The following VRK1 variants were observed in gnomAD, a reference collection of about 807,000 sequenced individuals.
The protein encoded by VRK1 is VRK serine/threonine kinase 1, also known as serine/threonine-protein kinase VRK1.
Under a neutral mutation model 57.1 loss-of-function variants are expected in VRK1, and 33 were observed. The ratio of observed to expected loss-of-function variants is 0.58; its 90% CI spans 0.44 to 0.77. The LOEUF (loss-of-function observed/expected upper bound fraction) is 0.77, where lower values mean the gene tolerates loss of function less well. Ranked by LOEUF, VRK1 falls within the 30% of genes least tolerant of loss-of-function variation. The pLI, the probability that VRK1 is intolerant of heterozygous loss-of-function variation, is 0.00. For synonymous variants in VRK1, 137 were observed against 147.8 expected (o/e 0.93, Z 0.53); for missense variants, 413 against 477.3 (o/e 0.87, Z 1.25).
intron 1 of VRK1, among the ~76,000 whole-genome samples, chr14:96,820,757 C>A (rs1490009003): frequency 1.3e-5 from 2 of 152,154 alleles, no homozygotes; most frequent in African/African-American, 4.8e-5. Context: ...CAAATTCCAA[C>A]AATGCAAAAA....
rs1421577486 is a variant in VRK1, at chr14:96,856,534, A to G, written c.837A>G (p.Arg279=). 1.9e-6 allele frequency: 3 copies of G among 1,613,288 alleles called. No homozygotes were observed. Among genetic ancestry groups the G allele is most frequent in the Non-Finnish European group, 1.7e-6 (2 of 1,179,302 alleles). Reference sequence around the variant, plus strand: ...ATTCTTTAATTTTTAACAGATACAGAGAAAATATTGCAAGTTTGATGGACA... The same window carrying G: ...ATTCTTTAATTTTTAACAGATACAGGGAAAATATTGCAAGTTTGATGGACA... ...KYVRDSKIRY[R]ENIASLMDKC... The change falls in exon 10 of 13, where the codon AGA becomes AGG. Residue 279 remains arginine, a synonymous_variant. Transcript: ENST00000216639.
intron 10 of VRK1, among the ~76,000 whole-genome samples, chr14:96,858,172 G>C (rs1338727902): frequency 6.6e-6 from 1 of 152,048 alleles, no homozygotes; most frequent in East Asian, 1.9e-4. Flanking sequence ...TGAGCTCAAA[G>C]CCTTGACCTC....
chr14:96,861,530 T>C (rs1003160823), intron 11 of VRK1, among the ~76,000 whole-genome samples: 5 of 152,162 alleles, frequency 3.3e-5, no homozygotes, highest in African/African-American at 9.6e-5. Flanking sequence ...ACTTTGCAAA[T>C]TCTAATAGAT....
At chr14:96,854,708 G>T (rs1241695021) in intron 7 of VRK1, among the ~76,000 whole-genome samples, 1 of 152,160 alleles carries the variant, frequency 6.6e-6, no homozygotes, top group Non-Finnish European at 1.5e-5. Context: ...TGTATGAAAT[G>T]TTTTTATAAA....
intron 1 of VRK1, among the ~76,000 whole-genome samples, chr14:96,801,605 A>T (rs1395660534): frequency 6.6e-6 from 1 of 152,206 alleles, no homozygotes; most frequent in Non-Finnish European, 1.5e-5. Context: ...ATGCAGTTGA[A>T]AATCCATGTA....
chr14:96,809,445 A>G (rs1886070946), intron 1 of VRK1, among the ~76,000 whole-genome samples: 2 of 152,150 alleles, frequency 1.3e-5, no homozygotes, highest in South Asian at 4.1e-4. Context: ...TGCTATAATC[A>G]TATACTTATG....
intron 1 of VRK1, among the ~76,000 whole-genome samples, chr14:96,808,209 C>T (rs1020221142): frequency 6.6e-6 from 1 of 152,044 alleles, no homozygotes; most frequent in Non-Finnish European, 1.5e-5. Flanking sequence ...TGGAGTGACT[C>T]TGTGTTAAGT....
chr14:96,834,500 A>G (rs529863552), intron 2 of VRK1, among the ~76,000 whole-genome samples: 3 of 152,278 alleles, frequency 2.0e-5, no homozygotes, highest in Admixed American at 6.5e-5. Flanking sequence ...GTTCAAGGTG[A>G]TTCTGATGCA....
intron 1 of VRK1, among the ~76,000 whole-genome samples, chr14:96,811,709 G>A (rs376127900): frequency 6.6e-6 from 1 of 151,858 alleles, no homozygotes; most frequent in African/African-American, 2.4e-5. Context: ...TCCACAGAAC[G>A]CTATAATCCA....
chr14:96,852,397 C>T (rs1682210767), intron 5 of VRK1, among the ~76,000 whole-genome samples: 1 of 152,074 alleles, frequency 6.6e-6, no homozygotes, highest in Non-Finnish European at 1.5e-5. Context: ...TTGATTTTAG[C>T]AGAATGTTGT....
chr14:96,797,775 G>C (rs113958832), intron 1 of VRK1, among the ~76,000 whole-genome samples: 12,669 of 152,318 alleles, frequency 0.083, 693 homozygotes, highest in Non-Finnish European at 0.13. Context: ...CGCCGCCTCG[G>C]GCCTCACCGG....
chr14:96,804,484 A>G (rs1885791481), intron 1 of VRK1, among the ~76,000 whole-genome samples: 1 of 152,218 alleles, frequency 6.6e-6, no homozygotes, highest in Non-Finnish European at 1.5e-5. Flanking sequence ...TTCTAGAGAA[A>G]ATAAGTAAGA....
intron 11 of VRK1, among the ~76,000 whole-genome samples, chr14:96,875,780 T>A (rs899307878): frequency 7.5e-6 from 1 of 132,676 alleles, no homozygotes; most frequent in African/African-American, 2.5e-5. Context: ...AAGTTAGAGG[T>A]GGATATAACA....
In VRK1 at chr14:96,810,894, T is replaced by C. The variant is rs150350551; in HGVS notation, c.-6+13447T>C. Among the ~76,000 whole-genome samples the C allele has an allele frequency of 3.9e-3, 600 of 152,210 alleles. 1 individual carries two copies. Among genetic ancestry groups the C allele is most frequent in the African/African-American group, 0.014 (569 of 41,528 alleles). The stretch of plus-strand genomic sequence containing the variant: ...TAGCTGCTGATGAAAGATAGTTTTA[T>C]TGATCACGTTGGCAAGTCCAAGATC... On this transcript the variant is annotated intron_variant, in intron 1 of 12. Coordinates refer to ENST00000216639, the MANE Select transcript of VRK1 (RefSeq NM_003384.3).
rs1429869153 is a variant in VRK1, at chr14:96,881,378, T to C, written c.*170T>C. On this transcript the variant is annotated 3_prime_UTR_variant, in exon 13 of 13. Coordinates refer to ENST00000216639, the MANE Select transcript of VRK1 (RefSeq NM_003384.3). ...TTTTTATAAAAATATTTTGTACAAT[T>C]CATTAAAGGCTAATTTATGAAATTT... The C allele has an allele frequency of 4.9e-6, 3 of 608,686 alleles. No individual in the cohort carries two copies. Among genetic ancestry groups the C allele is most frequent in the Non-Finnish European group, 8.3e-6 (3 of 361,584 alleles). The allele number at this position is 608,686 out of a possible 1,614,324, so 37.7% of individuals were successfully genotyped here.
At chr14:96,869,595 A>G (rs1595687296) in intron 11 of VRK1, among the ~76,000 whole-genome samples, 1 of 152,240 alleles carries the variant, frequency 6.6e-6, no homozygotes, top group East Asian at 1.9e-4. Context: ...TTGTTAAGGC[A>G]GAATATAAAC....
At chr14:96,847,590 C>G (rs1319937322) in intron 5 of VRK1, among the ~76,000 whole-genome samples, 1 of 151,914 alleles carries the variant, frequency 6.6e-6, no homozygotes, top group Non-Finnish European at 1.5e-5. Flanking sequence ...AGAGCAGTAT[C>G]AACTGACTGG....
At chr14:96,877,338 C>G (rs1362954067) in intron 12 of VRK1, 5 of 362,794 alleles carry the variant, frequency 1.4e-5, no homozygotes, top group African/African-American at 8.5e-5. Context: ...TTGGTTTAAT[C>G]TGTTTTAACC....
rs761107991 is a variant in VRK1, at chr14:96,855,272, G to T, written c.625G>T (p.Val209Phe). ...TGCTTATCGGTACTGCCCAGAAGGA[G>T]TTCATAAAGAATACAAAGAAGACCC... Reference protein sequence around the residue: ...GLAYRYCPEGVHKEYKEDPKR... With the variant: ...GLAYRYCPEGFHKEYKEDPKR... The change falls in exon 8 of 13, where the codon GTT (valine) becomes TTT (phenylalanine). Residue 209 changes from valine to phenylalanine, a missense_variant. By Grantham distance (50) the Val-to-Phe change is conservative. Transcript: ENST00000216639. 1 of 1,614,050 alleles carries T rather than the reference G, an allele frequency of 6.2e-7. No homozygotes were observed. The highest frequency in any genetic ancestry group is 1.6e-4 in the Middle Eastern group (1 of 6,062).
Sources: allele counts gnomAD v4.1 joint callset (sites outside exome capture counted in the v4.1 genomes callset), GRCh38; gene constraint gnomAD v4.1.1; transcripts MANE v1.5; gene names NCBI Gene and HGNC (gene_info 2026-07-23, HGNC 2026-07-21).